GRM8: variants seen among roughly 807,000 people sequenced by gnomAD.
GRM8 encodes glutamate metabotropic receptor 8, also known as metabotropic glutamate receptor 8.
Under a neutral mutation model 87.2 loss-of-function variants are expected in GRM8, and 47 were observed. That is an observed-to-expected ratio of 0.54 (90% confidence interval 0.43 to 0.69). The LOEUF (loss-of-function observed/expected upper bound fraction) is 0.69, where lower values mean the gene tolerates loss of function less well. Ranked by LOEUF, GRM8 falls within the 30% of genes least tolerant of loss-of-function variation. The probability of loss-of-function intolerance (pLI) is 0.00; values close to 1 mark genes in which losing one functional copy is unlikely to be tolerated. For missense variants in GRM8, 1,019 were observed against 1,139.2 expected (o/e 0.89, Z 1.52); for synonymous variants, 396 against 404.5 (o/e 0.98, Z 0.25).
intron 3 of GRM8, among the ~76,000 whole-genome samples, chr7:127,001,462 G>T (rs943565062): frequency 2.6e-5 from 4 of 151,578 alleles, no homozygotes; most frequent in African/African-American, 7.3e-5. Flanking sequence ...ACTGTCAAAA[G>T]ATTTGAACAG....
chr7:126,511,139 G>C (rs1811313351), intron 9 of GRM8: 1 of 152,108 alleles, frequency 6.6e-6, no homozygotes, highest in Non-Finnish European at 1.5e-5. Context: ...AGGGAGATCA[G>C]TACTGCCAGT....
chr7:126,929,105 A>G (rs2254259), intron 3 of GRM8, among the ~76,000 whole-genome samples: 1 of 152,096 alleles, frequency 6.6e-6, no homozygotes, highest in South Asian at 2.1e-4. Context: ...GGAACAAGAA[A>G]AAGGAAATTT....
Position 126,439,048 on chromosome 7 carries a change from A to G in GRM8, c.*71T>C, listed in dbSNP as rs1801148401. On this transcript the variant is annotated 3_prime_UTR_variant, in exon 11 of 11. Coordinates refer to ENST00000339582, the MANE Select transcript of GRM8 (RefSeq NM_000845.3). ...AGTCTACGGAGATCTCCAGGAGTGA[A>G]TTTTTGCGGTCTCATGTTCATCATT... 1 of 903,386 alleles carries G rather than the reference A, an allele frequency of 1.1e-6. No homozygotes were observed. Among genetic ancestry groups the G allele is most frequent in the Non-Finnish European group, 1.9e-6 (1 of 532,838 alleles). 56.0% of individuals were successfully genotyped at this position (903,386 alleles called of 1,614,324 possible).
Position 126,770,021 on chromosome 7 carries a change from T to G in GRM8, c.1201A>C (p.Lys401Gln). ...ARDSSYEQEG[K>Q]VQFVIDAVYS... Reference sequence around the variant, plus strand: ...ACAGCATCAATTACAAATTGGACCTTTCCTTCCTGTTCATAAGATGAATCC... The same window carrying G: ...ACAGCATCAATTACAAATTGGACCTGTCCTTCCTGTTCATAAGATGAATCC... Residue 401 changes from lysine to glutamine, a missense_variant, in exon 7 of 11, where the codon AAG (lysine) becomes CAG (glutamine). Coordinates refer to ENST00000339582, the MANE Select transcript of GRM8 (RefSeq NM_000845.3). 1 of 1,612,856 alleles carries G rather than the reference T, an allele frequency of 6.2e-7. No homozygotes were observed. Among genetic ancestry groups the G allele is most frequent in the South Asian group, 1.1e-5 (1 of 91,046 alleles).
At chr7:127,151,423 C>T (rs766213573) in intron 2 of GRM8, among the ~76,000 whole-genome samples, 5 of 152,088 alleles carry the variant, frequency 3.3e-5, no homozygotes, top group Non-Finnish European at 7.4e-5. Flanking sequence ...TATCTAAGGA[C>T]CTCTTATTTC....
chr7:127,005,216 T>C (rs886259566), intron 3 of GRM8, among the ~76,000 whole-genome samples: 6 of 151,508 alleles, frequency 4.0e-5, no homozygotes, highest in African/African-American at 1.5e-4. Flanking sequence ...AAGGGGTTTA[T>C]ATTCCATAAA....
chr7:126,998,403 C>A (rs1001080805), intron 3 of GRM8, among the ~76,000 whole-genome samples: 3 of 151,570 alleles, frequency 2.0e-5, no homozygotes, highest in African/African-American at 7.2e-5. Context: ...GTACTGAAGT[C>A]CTTCCTAGCT....
chr7:127,046,625 A>C (rs1274680770), intron 3 of GRM8, among the ~76,000 whole-genome samples: 2 of 152,234 alleles, frequency 1.3e-5, no homozygotes, highest in African/African-American at 4.8e-5. Context: ...TGCAAATGTT[A>C]GCTTTTATTA....
intron 9 of GRM8, among the ~76,000 whole-genome samples, chr7:126,522,575 G>GA (rs1813152264): frequency 6.6e-6 from 1 of 152,044 alleles, no homozygotes; most frequent in African/African-American, 2.4e-5. Context: ...TATTAACAAG[G>GA]AAAAAAGGAA....
At chr7:127,234,417 G>T (rs978526931) in intron 2 of GRM8, among the ~76,000 whole-genome samples, 2 of 152,136 alleles carry the variant, frequency 1.3e-5, no homozygotes, top group African/African-American at 4.8e-5. Flanking sequence ...ACTCAAAAAT[G>T]AACACAATTA....
chr7:126,492,368 G>A (rs1339096673), intron 9 of GRM8, among the ~76,000 whole-genome samples: 1 of 151,996 alleles, frequency 6.6e-6, no homozygotes, highest in East Asian at 1.9e-4. Context: ...AACTGTTTAT[G>A]TGCTAGGAAC....
rs547311685 is a variant in GRM8 at position 126,685,301 on chromosome 7, A to C, written c.1358-75803T>G. 6.6e-6 allele frequency among the ~76,000 whole-genome samples: 1 copy of C among 152,170 alleles called. No homozygotes were observed. Among genetic ancestry groups the C allele is most frequent in the East Asian group, 1.9e-4 (1 of 5,138 alleles). On this transcript the variant is annotated intron_variant, in intron 7 of 10. Transcript: ENST00000339582. This position sits in a 1 kb window ranked among gnomAD's most constrained non-coding sequence, Gnocchi z 4.2. ...CAATGTGGTTGGGCACAGAGGGGTG[A>C]CCAGAGAGGGGACTCGAGGCGGAGC...
At chr7:126,774,961 C>T (rs1819250103) in intron 6 of GRM8, among the ~76,000 whole-genome samples, 1 of 152,070 alleles carries the variant, frequency 6.6e-6, no homozygotes, top group Admixed American at 6.6e-5. Context: ...CAATGATGGT[C>T]CAATAAGCAG....
At chr7:126,764,550 T>C (rs553992387) in intron 7 of GRM8, among the ~76,000 whole-genome samples, 28 of 152,166 alleles carry the variant, frequency 1.8e-4, no homozygotes, top group Non-Finnish European at 2.8e-4. Context: ...GACTCTCAAA[T>C]TGTATATTTG....
At chr7:127,155,530 T>A (rs1440515044) in intron 2 of GRM8, among the ~76,000 whole-genome samples, 12 of 152,078 alleles carry the variant, frequency 7.9e-5, no homozygotes, top group Non-Finnish European at 4.4e-5. Flanking sequence ...TTCTAAACCA[T>A]CAACCCTTGA....
intron 6 of GRM8, among the ~76,000 whole-genome samples, chr7:126,835,533 A>G (rs75117499): frequency 0.012 from 1,831 of 152,340 alleles, 42 homozygotes; most frequent in East Asian, 0.068. Context: ...TTTGATAAGC[A>G]TTAAAAAAAA....
At chr7:126,826,325 A>G (rs1563223358) in intron 6 of GRM8, among the ~76,000 whole-genome samples, 1 of 152,186 alleles carries the variant, frequency 6.6e-6, no homozygotes, top group African/African-American at 2.4e-5. Flanking sequence ...GAACTAGTTT[A>G]CAGTCCCAAC....
intron 6 of GRM8, among the ~76,000 whole-genome samples, chr7:126,802,497 A>C (rs1822824328): frequency 6.6e-6 from 1 of 152,198 alleles, no homozygotes; most frequent in Admixed American, 6.5e-5. Context: ...GGATAAAGAA[A>C]ACGTGGCATA....
intron 9 of GRM8, among the ~76,000 whole-genome samples, chr7:126,465,928 T>C (rs1235788505): frequency 1.3e-5 from 2 of 151,988 alleles, no homozygotes; most frequent in African/African-American, 2.4e-5. Context: ...CAATTCACTG[T>C]TAAGTGTATC....
Sources: gnomAD v4.1 joint callset for allele counts (sites outside exome capture counted in the v4.1 genomes callset) on GRCh38, gnomAD v4.1.1 for gene constraint, Gnocchi (gnomAD v3.1) non-coding constraint, MANE v1.5 for transcripts, NCBI Gene and HGNC (gene_info 2026-07-23, HGNC 2026-07-21) for gene names.